The following EFR3B variants were observed in gnomAD, a reference collection of about 807,000 sequenced individuals.
The protein encoded by EFR3B is protein EFR3 homolog B.
EFR3B carries 64 observed loss-of-function variants against 104.7 expected under a neutral mutation model. The observed-to-expected ratio is 0.61, with a 90% CI of 0.50 to 0.75. EFR3B has a LOEUF of 0.75. Among genes scored for constraint, EFR3B ranks in the 30% least tolerant of loss-of-function variants. EFR3B has a pLI of 0.00. For synonymous variants in EFR3B, 385 were observed against 417.9 expected (o/e 0.92, Z 0.96); for missense variants, 750 against 1,078.5 (o/e 0.70, Z 4.27).
intron 1 of EFR3B, among the ~76,000 whole-genome samples, chr2:25,076,511 G>A (rs1280672059): frequency 6.6e-6 from 1 of 152,022 alleles, no homozygotes; most frequent in African/African-American, 2.4e-5. Context: ...GTAGACCAAG[G>A]CACACAAGAT....
intron 3 of EFR3B, 87 bp downstream of exon 3, chr2:25,093,217 A>C: frequency 1.3e-6 from 2 of 1,485,880 alleles, no homozygotes; most frequent in Non-Finnish European, 1.8e-6. Flanking sequence ...AATGATGGCC[A>C]GGCAGAGTGG....
intron 11 of EFR3B, 101 bp downstream of exon 11, chr2:25,133,115 GCT>G: frequency 8.7e-7 from 1 of 1,153,938 alleles, no homozygotes; most frequent in Non-Finnish European, 1.2e-6. Context: ...TCTGCCCTCT[GCT>G]CTCTTTTTAC....
intron 17 of EFR3B, among the ~76,000 whole-genome samples, chr2:25,143,211 G>A (rs7563834): frequency 0.56 from 84,998 of 151,714 alleles, 24,279 homozygotes; most frequent in Non-Finnish European, 0.64. Context: ...GCGAGACTCC[G>A]TCTCAAAGAA....
rs1434692220 is a variant in EFR3B at position 25,056,499 on chromosome 2, G to A, written c.7+14180G>A. On this transcript the variant is annotated intron_variant, in intron 1 of 22. Transcript: ENST00000403714. ...GCCCTTTGAGGCAAAGGCAATAAATGTCTGTATCTCGTTGCCTGGAAGCAG... is the reference window on the plus strand; with the variant it reads ...GCCCTTTGAGGCAAAGGCAATAAATATCTGTATCTCGTTGCCTGGAAGCAG... Among the ~76,000 whole-genome samples, 5 of 148,616 alleles carry A rather than the reference G, an allele frequency of 3.4e-5. No homozygotes were observed. The East Asian group carries it at 9.8e-4, about 29-fold the overall frequency.
intron 4 of EFR3B, among the ~76,000 whole-genome samples, chr2:25,107,735 A>G (rs1017124345): frequency 6.6e-6 from 1 of 152,138 alleles, no homozygotes; most frequent in African/African-American, 2.4e-5. Context: ...GAGACTTGTC[A>G]CAAAATCCAA....
At chr2:25,088,510 C>T (rs1417484690) in intron 1 of EFR3B, among the ~76,000 whole-genome samples, 2 of 152,078 alleles carry the variant, frequency 1.3e-5, no homozygotes, top group East Asian at 1.9e-4. Context: ...ACCAAGCCAG[C>T]ATTGACCAGC....
intron 1 of EFR3B, among the ~76,000 whole-genome samples, chr2:25,050,556 G>T (rs1186073496): frequency 3.9e-5 from 6 of 152,062 alleles, no homozygotes; most frequent in South Asian, 2.1e-4. Context: ...TTTTAAAATA[G>T]AAAATAAATT....
chr2:25,150,772 G>A (rs763788007), intron 20 of EFR3B, among the ~76,000 whole-genome samples: 8 of 152,038 alleles, frequency 5.3e-5, no homozygotes, highest in South Asian at 2.1e-4. Context: ...CACCACACCC[G>A]GCTAATTTTT....
At chr2:25,113,579 A>G (rs1573211811) in intron 4 of EFR3B, among the ~76,000 whole-genome samples, 1 of 152,016 alleles carries the variant, frequency 6.6e-6, no homozygotes, top group East Asian at 1.9e-4. Flanking sequence ...GAGTCAGGAG[A>G]ATGGCATGAA....
chr2:25,118,051 C>G (rs1049790789), intron 4 of EFR3B, among the ~76,000 whole-genome samples: 3 of 152,198 alleles, frequency 2.0e-5, no homozygotes, highest in African/African-American at 7.2e-5. Context: ...GTGATCTTGG[C>G]TTACTACAAC....
In EFR3B at chr2:25,073,709, C is replaced by G. The variant is rs962179384; in HGVS notation, c.8-17616C>G. On this transcript the variant is annotated intron_variant, in intron 1 of 22. Transcript: ENST00000403714. ...CTGAGATCTGGGTGCCAGGTGCCTG[C>G]AAGGAGCTCCCAGGCAAGCTTAGGT... Among the ~76,000 whole-genome samples, 6 of 152,144 alleles carry G rather than the reference C, an allele frequency of 3.9e-5. No homozygotes were observed. In the South Asian group the frequency reaches 1.2e-3, roughly 32 times the overall value.
chr2:25,080,850 G>A, intron 1 of EFR3B: 1 of 854,194 alleles, frequency 1.2e-6, no homozygotes, highest in South Asian at 1.3e-5. Flanking sequence ...TCTTATCATG[G>A]TTGCATCATA....
intron 5 of EFR3B, among the ~76,000 whole-genome samples, 174 bp downstream of exon 5, chr2:25,121,968 T>G (rs1670029417): frequency 1.3e-5 from 2 of 151,730 alleles, no homozygotes; most frequent in Admixed American, 6.6e-5. Flanking sequence ...GTTTCTGTTT[T>G]TTTTTTTTTT....
chr2:25,058,760 C>T lies in EFR3B; in HGVS notation c.7+16441C>T, dbSNP rs574793823. The stretch of plus-strand genomic sequence containing the variant: ...GGAGACAGAGTGAGACTCTGTCTCC[C>T]CGCGCCCCCCCCCCCAAAAAAAAAA... On this transcript the variant is annotated intron_variant, in intron 1 of 22. Transcript: ENST00000403714. 9.1e-4 allele frequency among the ~76,000 whole-genome samples: 124 copies of T among 136,942 alleles called. 3 individuals carry two copies. The highest frequency in any genetic ancestry group is 2.3e-3 in the Admixed American group (33 of 14,332). The allele number at this position is 136,942 out of a possible 152,430, so 89.8% of individuals were successfully genotyped here.
chr2:25,135,289 G>C (rs530421863), intron 12 of EFR3B, among the ~76,000 whole-genome samples, 178 bp from the exon 13 acceptor site: 62 of 152,290 alleles, frequency 4.1e-4, no homozygotes, highest in African/African-American at 1.5e-3. Flanking sequence ...GTGTCATCTA[G>C]GTGGATGTTG....
rs1670341321 is a variant in EFR3B at position 25,131,723 on chromosome 2, T to G, written c.986-27T>G. ...AGGAGGAGGGTGCCAGCCTTGGATC[T>G]CGGGTGTCCCGCCCCACCGCTCTCA... On this transcript the variant is annotated intron_variant, in intron 9 of 22. Transcript: ENST00000403714. This position sits in a 1 kb window ranked among gnomAD's most constrained non-coding sequence, Gnocchi z 7.6. The G allele has an allele frequency of 2.0e-6, 3 of 1,486,672 alleles. No individual in the cohort carries two copies. The East Asian group carries it at 7.5e-5, about 37-fold the overall frequency. The allele number at this position is 1,486,672 out of a possible 1,614,324, so 92.1% of individuals were successfully genotyped here.
chr2:25,090,150 A>C (rs1573194776), intron 1 of EFR3B, among the ~76,000 whole-genome samples: 1 of 152,210 alleles, frequency 6.6e-6, no homozygotes, highest in South Asian at 2.1e-4. Context: ...TTGCATTTCA[A>C]GTGGTGTGCT....
At position 25,042,083 on chromosome 2, in the gene EFR3B, C is replaced by T. The variant is rs975189307; in HGVS notation, c.-230C>T. 4 of 303,678 alleles carry T rather than the reference C, an allele frequency of 1.3e-5. No homozygotes were observed. The highest frequency in any genetic ancestry group is 1.6e-4 in the South Asian group (1 of 6,268). 18.8% of individuals were successfully genotyped at this position (303,678 alleles called of 1,614,324 possible). On this transcript the variant is annotated 5_prime_UTR_variant, in exon 1 of 23. Transcript: ENST00000403714. This position sits in a 1 kb window ranked among gnomAD's most constrained non-coding sequence, Gnocchi z 5.4. ...CCCCCGCCCCCTGCGCGCAGCAGTG[C>T]CCAGCAACCCGAGCGGAGGCGGCCG...
At chr2:25,143,945 C>T (rs1670748090) in intron 18 of EFR3B, 83 bp downstream of exon 18, 2 of 1,465,418 alleles carry the variant, frequency 1.4e-6, no homozygotes, top group African/African-American at 1.4e-5. Flanking sequence ...GGACTTATAG[C>T]CCTTTGATTG....
Sources: allele counts gnomAD v4.1 joint callset (sites outside exome capture counted in the v4.1 genomes callset), GRCh38; gene constraint gnomAD v4.1.1; non-coding constraint Gnocchi (gnomAD v3.1); transcripts MANE v1.5; gene names NCBI Gene and HGNC (gene_info 2026-07-23, HGNC 2026-07-21).